Variants in PAN3 observed in about 807,000 individuals in gnomAD.
The protein encoded by PAN3 is PAN2-PAN3 deadenylation complex subunit PAN3.
A neutral mutation model predicts 96.2 loss-of-function variants in PAN3; 19 were observed. The observed-to-expected ratio is 0.20, with a 90% CI of 0.14 to 0.29. PAN3 has a LOEUF of 0.29. Ranked by LOEUF, PAN3 falls within the 10% of genes least tolerant of loss-of-function variation. The pLI, the probability that PAN3 is intolerant of heterozygous loss-of-function variation, is 1.00. For synonymous variants in PAN3, 433 were observed against 406.6 expected (o/e 1.06, Z -0.78); for missense variants, 882 against 1,108.1 (o/e 0.80, Z 2.90).
chr13:28,185,978 C>G (rs368669883), intron 4 of PAN3, among the ~76,000 whole-genome samples: 15 of 152,280 alleles, frequency 9.9e-5, no homozygotes, highest in African/African-American at 3.6e-4. Flanking sequence ...TAAAGGTGAA[C>G]TTAAAATTCT....
chr13:28,274,359 G>C (rs2138686098), intron 14 of PAN3, among the ~76,000 whole-genome samples: 1 of 152,020 alleles, frequency 6.6e-6, no homozygotes, highest in Non-Finnish European at 1.5e-5. Flanking sequence ...ATTATTGACT[G>C]TTAAAATATT....
At chr13:28,139,955 T>G (rs138209079) in intron 1 of PAN3, among the ~76,000 whole-genome samples, 10 of 151,264 alleles carry the variant, frequency 6.6e-5, no homozygotes, top group Non-Finnish European at 1.3e-4. Flanking sequence ...TTGTTGTTGT[T>G]GTTGTTGTTT....
At chr13:28,265,362 G>T (rs1886073653) in intron 9 of PAN3, among the ~76,000 whole-genome samples, 1 of 152,178 alleles carries the variant, frequency 6.6e-6, no homozygotes, top group Admixed American at 6.5e-5. Context: ...ATGACACTTG[G>T]CAGTATACTG....
intron 6 of PAN3, among the ~76,000 whole-genome samples, chr13:28,221,302 G>T (rs1328699506): frequency 6.6e-6 from 1 of 151,236 alleles, no homozygotes; most frequent in Non-Finnish European, 1.5e-5. Flanking sequence ...CACAAATTAG[G>T]CTTCTAGAAC....
In PAN3 at chr13:28,260,564, A is replaced by C. The variant is rs1459270454; in HGVS notation, c.1353+13A>C. The C allele has an allele frequency of 6.3e-7, 1 of 1,581,166 alleles. No individual in the cohort carries two copies. Among genetic ancestry groups the C allele is most frequent in the Non-Finnish European group, 8.7e-7 (1 of 1,150,500 alleles). On this transcript the variant is annotated intron_variant, in intron 8 of 18. Coordinates refer to ENST00000380958, the MANE Select transcript of PAN3 (RefSeq NM_175854.8). ...TGAACTCCGACAGGTATGCTTTCAG[A>C]ATTCATAGTAGGAATACTTAATGTC...
At chr13:28,150,530 G>A (rs916879504) in intron 1 of PAN3, among the ~76,000 whole-genome samples, 1 of 151,660 alleles carries the variant, frequency 6.6e-6, no homozygotes, top group Non-Finnish European at 1.5e-5. Context: ...CCAGCTACTC[G>A]GGAGGCTGAG....
At position 28,266,896 on chromosome 13, in the gene PAN3, T is replaced by C; in HGVS notation, c.1573+20T>C. The C allele has an allele frequency of 6.5e-7, 1 of 1,537,246 alleles. No individual in the cohort carries two copies. Among genetic ancestry groups the C allele is most frequent in the Non-Finnish European group, 8.8e-7 (1 of 1,142,132 alleles). On this transcript the variant is annotated intron_variant, in intron 10 of 18. Transcript: ENST00000380958. Reference sequence around the variant, plus strand: ...TACATGGTAAGGAAGATAAGTTATCTTCTTTTATAATCGTATCATTGAGGC... The same window carrying C: ...TACATGGTAAGGAAGATAAGTTATCCTCTTTTATAATCGTATCATTGAGGC...
intron 1 of PAN3, among the ~76,000 whole-genome samples, chr13:28,159,926 T>G (rs540682411): frequency 3.9e-4 from 59 of 149,744 alleles, no homozygotes; most frequent in African/African-American, 1.3e-3. Flanking sequence ...AATAAAAGGT[T>G]TTTTTTTTTT....
intron 18 of PAN3, among the ~76,000 whole-genome samples, chr13:28,290,926 C>A (rs1285054788): frequency 6.9e-6 from 1 of 144,876 alleles, no homozygotes; most frequent in Non-Finnish European, 1.5e-5. Context: ...TTGCCTTAAG[C>A]AAAGATCATT....
chr13:28,245,605 A>G (rs2138525222), intron 6 of PAN3, among the ~76,000 whole-genome samples: 1 of 152,304 alleles, frequency 6.6e-6, no homozygotes, highest in South Asian at 2.1e-4. Flanking sequence ...TCATGGAACC[A>G]TTACCATTCA....
chr13:28,161,824 G>A (rs1354536065), intron 1 of PAN3, among the ~76,000 whole-genome samples: 2 of 152,144 alleles, frequency 1.3e-5, no homozygotes, highest in East Asian at 3.8e-4. Context: ...ACTTTCGAGG[G>A]AGTTCCAGCT....
chr13:28,139,090 G>A lies in PAN3; in HGVS notation c.430+3G>A, dbSNP rs1467218292. On this transcript the variant is annotated splice_donor_region_variant and intron_variant, in intron 1 of 18. Transcript: ENST00000380958. ...ACTCGATGGACCGCGGCTGGCAAGT[G>A]AGTGTTTTTCGGGCGGGGCGGGCCG... is the stretch of plus-strand genomic sequence containing the variant. 2 of 1,270,764 alleles carry A rather than the reference G, an allele frequency of 1.6e-6. No individual in the cohort carries two copies. Among genetic ancestry groups the A allele is most frequent in the Non-Finnish European group, 2.0e-6 (2 of 1,009,656 alleles). The allele number at this position is 1,270,764 out of a possible 1,614,324, so 78.7% of individuals were successfully genotyped here.
At chr13:28,225,272 T>C (rs1378071049) in intron 6 of PAN3, among the ~76,000 whole-genome samples, 2 of 152,162 alleles carry the variant, frequency 1.3e-5, no homozygotes, top group Non-Finnish European at 2.9e-5. Context: ...TTCAGAAATA[T>C]CAAAACTTTT....
At chr13:28,201,073 C>A (rs1878633033) in intron 5 of PAN3, among the ~76,000 whole-genome samples, 1 of 151,676 alleles carries the variant, frequency 6.6e-6, no homozygotes, top group Non-Finnish European at 1.5e-5. Flanking sequence ...GTCTCTGTTA[C>A]CCAGGCTGGA....
At chr13:28,268,977 A>G (rs1378023859) in intron 12 of PAN3, among the ~76,000 whole-genome samples, 1 of 152,194 alleles carries the variant, frequency 6.6e-6, no homozygotes, top group East Asian at 1.9e-4. Context: ...CTATTCTTAT[A>G]GATGACTATA....
intron 5 of PAN3, among the ~76,000 whole-genome samples, chr13:28,210,561 G>A (rs1879912397): frequency 1.3e-5 from 2 of 151,814 alleles, no homozygotes; most frequent in African/African-American, 4.8e-5. Flanking sequence ...TATATTATTA[G>A]ACTAATTTTA....
chr13:28,215,336 C>T (rs1359381693), intron 5 of PAN3: 7 of 747,356 alleles, frequency 9.4e-6, no homozygotes, highest in South Asian at 2.8e-5. Context: ...TTCTCAAACC[C>T]GTTATGGTGG....
chr13:28,204,870 T>C (rs1490034621), intron 5 of PAN3, among the ~76,000 whole-genome samples: 1 of 152,202 alleles, frequency 6.6e-6, no homozygotes, highest in African/African-American at 2.4e-5. Flanking sequence ...ATTGTTTTAG[T>C]GAAGTGATAC....
chr13:28,176,199 G>A (rs1874959378), intron 2 of PAN3, among the ~76,000 whole-genome samples: 1 of 152,186 alleles, frequency 6.6e-6, no homozygotes, highest in African/African-American at 2.4e-5. Context: ...ATGTTTTACA[G>A]ACAAGGAAAC....
Sources: allele counts gnomAD v4.1 joint callset (sites outside exome capture counted in the v4.1 genomes callset), GRCh38; gene constraint gnomAD v4.1.1; transcripts MANE v1.5; gene names NCBI Gene and HGNC (gene_info 2026-07-23, HGNC 2026-07-21).